TENT2: variants seen among roughly 807,000 people sequenced by gnomAD.
The protein encoded by TENT2 is terminal nucleotidyltransferase 2, also known as poly(A) RNA polymerase GLD2.
A neutral mutation model predicts 72.2 loss-of-function variants in TENT2; 44 were observed. That is an observed-to-expected ratio of 0.61 (90% confidence interval 0.48 to 0.78). The LOEUF (loss-of-function observed/expected upper bound fraction) is 0.78. Among genes scored for constraint, TENT2 ranks in the 30% least tolerant of loss-of-function variants. TENT2 has a pLI of 0.00. For synonymous variants in TENT2, 212 were observed against 192.5 expected, an observed-to-expected ratio of 1.10 and a Z score of -0.84; for missense variants, 541 against 569.6, an observed-to-expected ratio of 0.95 and a Z score of 0.51.
chr5:79,618,726 A>G (rs1370889171), intron 1 of TENT2, among the ~76,000 whole-genome samples: 1 of 152,154 alleles, frequency 6.6e-6, no homozygotes, highest in Non-Finnish European at 1.5e-5. Flanking sequence ...CTCTAAAAGT[A>G]TGTGGGTAGG....
At position 79,687,627 on chromosome 5, in the gene TENT2, A is replaced by T. The variant is rs926311635; in HGVS notation, c.*2354A>T. Among the ~76,000 whole-genome samples the T allele has an allele frequency of 2.6e-5, 4 of 152,218 alleles. No homozygotes were observed. The highest frequency in any genetic ancestry group is 4.4e-5 in the Non-Finnish European group (3 of 68,036). ...AAAAGTCTATACCTGTTCGGTACAGATGCAACCATTCTGCCTCCTCCCTAC... is the reference window on the plus strand; with the variant it reads ...AAAAGTCTATACCTGTTCGGTACAGTTGCAACCATTCTGCCTCCTCCCTAC... On this transcript the variant is annotated 3_prime_UTR_variant, in exon 15 of 15. Coordinates refer to ENST00000453514, the MANE Select transcript of TENT2 (RefSeq NM_001114394.3).
intron 1 of TENT2, among the ~76,000 whole-genome samples, chr5:79,614,283 A>G (rs1172987606): frequency 6.6e-6 from 1 of 151,694 alleles, no homozygotes; most frequent in African/African-American, 2.4e-5. Flanking sequence ...TTGTATTTTT[A>G]GTAGAGGCAG....
At position 79,657,124 on chromosome 5, in the gene TENT2, A is replaced by G. The variant is rs1342766836; in HGVS notation, c.1071+123A>G. 5.1e-6 allele frequency: 3 copies of G among 584,544 alleles called. No homozygotes were observed. In the African/African-American group the frequency reaches 5.8e-5, roughly 11 times the overall value. 36.2% of individuals were successfully genotyped at this position (584,544 alleles called of 1,614,324 possible). ...AAGTACATGATAACATTTTCTATAT[A>G]TACCAAGAGAACATTTAAAATGTTT... is the stretch of plus-strand genomic sequence containing the variant. On this transcript the variant is annotated intron_variant, in intron 11 of 14. Coordinates refer to ENST00000453514, the MANE Select transcript of TENT2 (RefSeq NM_001114394.3).
chr5:79,624,756 G>GAAT (rs1768009894), intron 4 of TENT2, among the ~76,000 whole-genome samples: 1 of 152,074 alleles, frequency 6.6e-6, no homozygotes, highest in Non-Finnish European at 1.5e-5. Flanking sequence ...TTTTATAGCT[G>GAAT]AATAATACTC....
Position 79,685,242 on chromosome 5 carries a change from T to C in TENT2, c.1424T>C (p.Leu475Pro), listed in dbSNP as rs1388609027. 6.3e-7 allele frequency: 1 copy of C among 1,598,620 alleles called. No individual in the cohort carries two copies. Residue 475 changes from leucine (L) to proline (P), a missense_variant, in exon 15 of 15, where the codon CTA becomes CCA. Coordinates refer to ENST00000453514, the MANE Select transcript of TENT2 (RefSeq NM_001114394.3). ...AACAAGAGAGATTTGAACAGTATAC[T>C]ACCTGTAAGAGCTGCTGTCCTGAAA... The part of the protein sequence containing the change: ...LKNKRDLNSI[L>P]PVRAAVLKR
intron 7 of TENT2, 97 bp downstream of exon 7, chr5:79,643,007 C>T: frequency 1.4e-6 from 2 of 1,455,742 alleles, no homozygotes; most frequent in East Asian, 2.4e-5. Flanking sequence ...TTATTCTGGT[C>T]AGGATCAGTA....
At chr5:79,623,182 A>G in intron 3 of TENT2, 70 bp from the exon 4 acceptor site, 1 of 1,064,292 alleles carries the variant, frequency 9.4e-7, no homozygotes, top group Non-Finnish European at 1.3e-6. Flanking sequence ...ATTTATATAT[A>G]TTTAATTGCT....
At chr5:79,666,409 C>G (rs983448829) in intron 11 of TENT2, among the ~76,000 whole-genome samples, 3 of 150,142 alleles carry the variant, frequency 2.0e-5, no homozygotes, top group Admixed American at 2.0e-4. Context: ...CTTGCTCAAG[C>G]TGGAGTGCAG....
At chr5:79,667,219 A>G (rs1364968863) in intron 11 of TENT2, among the ~76,000 whole-genome samples, 1 of 152,212 alleles carries the variant, frequency 6.6e-6, no homozygotes, top group African/African-American at 2.4e-5. Context: ...GTTTTAGCAT[A>G]TTCAGTTCAT....
intron 10 of TENT2, among the ~76,000 whole-genome samples, chr5:79,649,664 A>T (rs1031512810): frequency 4.6e-5 from 7 of 152,076 alleles, no homozygotes; most frequent in African/African-American, 1.7e-4. Context: ...CCCAAATTTT[A>T]ATTTTGTCTG....
At chr5:79,626,603 G>A (rs767135244) in intron 4 of TENT2, among the ~76,000 whole-genome samples, 5 of 149,640 alleles carry the variant, frequency 3.3e-5, no homozygotes, top group East Asian at 2.0e-4. Context: ...CCCCGCACCC[G>A]GCCACCTGGC....
intron 14 of TENT2, among the ~76,000 whole-genome samples, chr5:79,682,960 G>T (rs1823231046): frequency 6.6e-6 from 1 of 152,010 alleles, no homozygotes; most frequent in African/African-American, 2.4e-5. Flanking sequence ...TGAGAGAACC[G>T]CAAAGATCAT....
rs573772770 is a variant in TENT2, at chr5:79,659,687, G to A, written c.1071+2686G>A. On this transcript the variant is annotated intron_variant, in intron 11 of 14. Transcript: ENST00000453514. ...AAATCCTGAACAAATAAACTTGCAA[G>A]GTATTATTCCTCTTTCACTAATGAA... Among the ~76,000 whole-genome samples, 289 of 147,550 alleles carry A rather than the reference G, an allele frequency of 2.0e-3. 1 individual carries two copies. The highest frequency in any genetic ancestry group is 1.8e-3 in the Non-Finnish European group (118 of 67,132).
intron 11 of TENT2, among the ~76,000 whole-genome samples, chr5:79,665,340 G>A (rs553409365): frequency 6.6e-6 from 1 of 152,236 alleles, no homozygotes; most frequent in South Asian, 2.1e-4. Flanking sequence ...TTAAAGAACG[G>A]TTTTCAAATA....
chr5:79,620,641 A>G (rs1027046993), intron 3 of TENT2: 3 of 152,130 alleles, frequency 2.0e-5, no homozygotes, highest in African/African-American at 7.2e-5. Context: ...TCTTCTAAGG[A>G]CACCAGTCAT....
At chr5:79,630,054 G>A (rs1051429964) in intron 4 of TENT2, among the ~76,000 whole-genome samples, 5 of 152,178 alleles carry the variant, frequency 3.3e-5, no homozygotes, top group Admixed American at 1.3e-4. Flanking sequence ...AGAATTGCTT[G>A]AACTTGGGAG....
intron 4 of TENT2, among the ~76,000 whole-genome samples, chr5:79,634,764 A>G (rs1025223600): frequency 6.6e-6 from 1 of 150,468 alleles, no homozygotes; most frequent in African/African-American, 2.5e-5. Context: ...TTATAATGAT[A>G]GATCTTGGTA....
chr5:79,682,269 A>G (rs1822569053), intron 14 of TENT2, among the ~76,000 whole-genome samples: 1 of 152,092 alleles, frequency 6.6e-6, no homozygotes, highest in African/African-American at 2.4e-5. Context: ...TCACTTTCAT[A>G]GAAATAAGCA....
intron 4 of TENT2, among the ~76,000 whole-genome samples, chr5:79,635,915 G>A (rs1779769341): frequency 1.3e-5 from 2 of 152,184 alleles, no homozygotes; most frequent in African/African-American, 2.4e-5. Context: ...CTAGGATTAT[G>A]TTGATCTGAT....
Sources: allele counts gnomAD v4.1 joint callset (sites outside exome capture counted in the v4.1 genomes callset), GRCh38; gene constraint gnomAD v4.1.1; transcripts MANE v1.5; gene names NCBI Gene and HGNC (gene_info 2026-07-23, HGNC 2026-07-21).